MECR: variants seen among roughly 807,000 people sequenced by gnomAD.
MECR encodes enoyl-[acyl-carrier-protein] reductase, mitochondrial.
A neutral mutation model predicts 49.1 loss-of-function variants in MECR; 37 were observed. That is an observed-to-expected ratio of 0.75 (90% confidence interval 0.58 to 0.99). The LOEUF (loss-of-function observed/expected upper bound fraction) is 0.99, where lower values mean the gene tolerates loss of function less well. Among genes scored for constraint, MECR ranks in the 50% least tolerant of loss-of-function variants. The pLI is 0.00. For missense variants in MECR, 470 were observed against 479.6 expected (o/e 0.98, Z 0.19); for synonymous variants, 198 against 191.1 (o/e 1.04, Z -0.30).
intron 3 of MECR, among the ~76,000 whole-genome samples, chr1:29,215,182 G>A (rs901607273): frequency 1.3e-5 from 2 of 152,114 alleles, no homozygotes; most frequent in Non-Finnish European, 2.9e-5. Flanking sequence ...CAAACCCTCT[G>A]CTGAGGCTAC....
At chr1:29,213,526 G>C (rs954097969) in intron 3 of MECR, among the ~76,000 whole-genome samples, 2 of 152,224 alleles carry the variant, frequency 1.3e-5, no homozygotes, top group South Asian at 4.1e-4. Context: ...CAGAGCAACC[G>C]GAGTGGCCCT....
chr1:29,210,012 CTTTTT>C (rs11364584), intron 3 of MECR, among the ~76,000 whole-genome samples: 4 of 141,366 alleles, frequency 2.8e-5, no homozygotes, highest in Admixed American at 7.1e-5. Flanking sequence ...GGCAGGAACA[CTTTTT>C]TTTTTTTTTT....
At chr1:29,174,120 C>A in the MECR span, among the ~76,000 whole-genome samples, 1 of 150,614 alleles carries the variant, frequency 6.6e-6, no homozygotes, top group East Asian at 2.0e-4. Flanking sequence ...ACCCGGGAGG[C>A]AGAGGTTGCA....
In MECR at chr1:29,230,830, C is replaced by G; in HGVS notation, c.77G>C (p.Cys26Ser). Reference sequence around the variant, plus strand: ...GTAGGAGGAGGCGGCAGGTCCGTGACAGCCAGAAGCTGGGAGCAGCCCCCG... The same window carrying G: ...GTAGGAGGAGGCGGCAGGTCCGTGAGAGCCAGAAGCTGGGAGCAGCCCCCG... ...QWRGLLPASG[C>S]HGPAASSYSA... The change falls in exon 1 of 10, where the codon TGT (cysteine) becomes TCT (serine). Residue 26 changes from cysteine to serine, a missense_variant. Physicochemically the swap from Cys to Ser is moderately radical, Grantham distance 112. Coordinates refer to ENST00000263702, the MANE Select transcript of MECR (RefSeq NM_016011.5). 6.2e-7 allele frequency: 1 copy of G among 1,608,210 alleles called. No homozygotes were observed. Among genetic ancestry groups the G allele is most frequent in the Non-Finnish European group, 8.5e-7 (1 of 1,179,194 alleles).
the MECR span, among the ~76,000 whole-genome samples, chr1:29,187,212 G>A: frequency 6.6e-6 from 1 of 152,112 alleles, no homozygotes; most frequent in East Asian, 1.9e-4. Context: ...TAACGCAAGA[G>A]CTTTTCTCTT....
In MECR at chr1:29,201,275, T is replaced by C. The variant is rs1379666003; in HGVS notation, c.756+668A>G. The stretch of plus-strand genomic sequence containing the variant: ...GCTGATATTATATATGCTGATCTAC[T>C]GCTTCAGAAATGTTCGCAAGAAGCG... On this transcript the variant is annotated intron_variant, in intron 6 of 9. Coordinates refer to ENST00000263702, the MANE Select transcript of MECR (RefSeq NM_016011.5). This position sits in a 1 kb window ranked among gnomAD's most constrained non-coding sequence, Gnocchi z 4.3. The C allele has an allele frequency of 6.9e-6, 3 of 435,102 alleles. No individual in the cohort carries two copies. Among genetic ancestry groups the C allele is most frequent in the Non-Finnish European group, 1.4e-5 (3 of 216,006 alleles). The allele number at this position is 435,102 out of a possible 1,614,324, so 27.0% of individuals were successfully genotyped here. A position where few individuals can be genotyped will look rare whatever the true frequency, so the allele number is the denominator to read the frequency against.
Position 29,200,606 on chromosome 1 carries a change from G to A in MECR, c.757-17C>T. On this transcript the variant is annotated splice_polypyrimidine_tract_variant and intron_variant, in intron 6 of 9. Coordinates refer to ENST00000263702, the MANE Select transcript of MECR (RefSeq NM_016011.5). ...GGGCATGTCCTGGAAAACAACAAAA[G>A]TGCAGTGAGGGAGCATCCCCGCTCT... The A allele has an allele frequency of 6.2e-7, 1 of 1,612,288 alleles. No individual in the cohort carries two copies. The highest frequency in any genetic ancestry group is 8.5e-7 in the Non-Finnish European group (1 of 1,178,400).
In MECR at chr1:29,215,992, T is replaced by C. The variant is rs200694552; in HGVS notation, c.406+13A>G. 8.0e-4 allele frequency: 1,297 copies of C among 1,613,602 alleles called. No individual in the cohort carries two copies. The highest frequency in any genetic ancestry group is 1.0e-3 in the Non-Finnish European group (1,207 of 1,179,642). On this transcript the variant is annotated intron_variant, in intron 3 of 9. Transcript: ENST00000263702. Reference sequence around the variant, plus strand: ...GAAGAACGAATAGGCAGCTGACACCTGGAGAAACTCACCTAAACCAGCATT... The same window carrying C: ...GAAGAACGAATAGGCAGCTGACACCCGGAGAAACTCACCTAAACCAGCATT...
chr1:29,203,757 A>T (rs1574320802), intron 4 of MECR, among the ~76,000 whole-genome samples: 1 of 152,232 alleles, frequency 6.6e-6, no homozygotes, highest in East Asian at 1.9e-4. Context: ...TTCATTGTAT[A>T]TAGGTCCATT....
intron 1 of MECR, among the ~76,000 whole-genome samples, chr1:29,222,187 G>T (rs1308886562): frequency 6.6e-6 from 1 of 152,132 alleles, no homozygotes; most frequent in Non-Finnish European, 1.5e-5. Flanking sequence ...TCCGCCTCCC[G>T]GGTTCAAGGA....
At chr1:29,179,086 T>C in the MECR span, among the ~76,000 whole-genome samples, 1 of 152,222 alleles carries the variant, frequency 6.6e-6, no homozygotes, top group East Asian at 1.9e-4. Flanking sequence ...AAAGGCTCTT[T>C]CCTCTTATCG....
intron 3 of MECR, among the ~76,000 whole-genome samples, chr1:29,214,049 CA>C (rs1489123092): frequency 6.6e-6 from 1 of 150,652 alleles, no homozygotes; most frequent in Non-Finnish European, 1.5e-5. Flanking sequence ...CCCAGTTCCA[CA>C]AATCAACTTT....
intron 1 of MECR, among the ~76,000 whole-genome samples, chr1:29,219,360 C>T (rs1680214549): frequency 6.6e-6 from 1 of 152,110 alleles, no homozygotes; most frequent in South Asian, 2.1e-4. Flanking sequence ...GACATTTTTT[C>T]TGCACATTTT....
the MECR span, among the ~76,000 whole-genome samples, chr1:29,175,431 C>T: frequency 4.8e-4 from 73 of 151,254 alleles, no homozygotes; most frequent in African/African-American, 1.7e-3. Flanking sequence ...CGTGGTGGCT[C>T]ACGCCTGTAA....
At chr1:29,222,132 C>T (rs1018375339) in intron 1 of MECR, among the ~76,000 whole-genome samples, 3 of 152,152 alleles carry the variant, frequency 2.0e-5, no homozygotes, top group Non-Finnish European at 2.9e-5. Context: ...CTCGCTTTGT[C>T]GCCCAGGCTG....
intron 3 of MECR, among the ~76,000 whole-genome samples, chr1:29,208,831 T>C (rs1328797037): frequency 6.6e-6 from 1 of 152,102 alleles, no homozygotes; most frequent in Non-Finnish European, 1.5e-5. Flanking sequence ...TAATGATAAA[T>C]TATAAAGAGA....
chr1:29,222,704 G>A (rs1565716), intron 1 of MECR, among the ~76,000 whole-genome samples: 10,737 of 152,224 alleles, frequency 0.071, 397 homozygotes, highest in African/African-American at 0.091. Flanking sequence ...GAGAGAAGGA[G>A]AGTGAAGAGG....
chr1:29,191,209 C>A (rs968011594), downstream of MECR, among the ~76,000 whole-genome samples: 1 of 152,182 alleles, frequency 6.6e-6, no homozygotes, highest in East Asian at 1.9e-4. Flanking sequence ...TTCCTGTATG[C>A]CTGCTCTTAG....
intron 1 of MECR, among the ~76,000 whole-genome samples, chr1:29,218,008 G>A (rs966714867): frequency 1.3e-5 from 2 of 152,184 alleles, no homozygotes; most frequent in Admixed American, 6.5e-5. Flanking sequence ...CTCTGCTCTA[G>A]GCTTCTGTTT....
Sources: gnomAD v4.1 joint callset for allele counts (sites outside exome capture counted in the v4.1 genomes callset) on GRCh38, gnomAD v4.1.1 for gene constraint, Gnocchi (gnomAD v3.1) non-coding constraint, MANE v1.5 for transcripts, NCBI Gene and HGNC (gene_info 2026-07-23, HGNC 2026-07-21) for gene names.